Variants in NUP160 observed in about 807,000 individuals in gnomAD.
The protein encoded by NUP160 is nucleoporin 160.
Under a neutral mutation model 196.9 loss-of-function variants are expected in NUP160, and 94 were observed. The ratio of observed to expected loss-of-function variants is 0.48; its 90% CI spans 0.40 to 0.57. NUP160 has a LOEUF of 0.57. Among genes scored for constraint, NUP160 ranks in the 20% least tolerant of loss-of-function variants. The pLI is 0.00. For missense variants in NUP160, 1,638 were observed against 1,748.3 expected (o/e 0.94, Z 1.13); for synonymous variants, 605 against 619.7 (o/e 0.98, Z 0.35).
intron 27 of NUP160, among the ~76,000 whole-genome samples, chr11:47,795,796 C>G (rs1388153788): frequency 1.3e-5 from 2 of 152,038 alleles, no homozygotes; most frequent in African/African-American, 2.4e-5. Flanking sequence ...AGACATCGCA[C>G]AACTAAATGC....
intron 33 of NUP160, among the ~76,000 whole-genome samples, 168 bp from the exon 34 acceptor site, chr11:47,783,366 G>A (rs1186202619): frequency 1.3e-5 from 2 of 151,458 alleles, no homozygotes; most frequent in African/African-American, 4.9e-5. Context: ...TAACAAATCT[G>A]GGGAGTTAGG....
At chr11:47,785,515 T>A (rs190954911) in intron 32 of NUP160, among the ~76,000 whole-genome samples, 1 of 152,208 alleles carries the variant, frequency 6.6e-6, no homozygotes, top group African/African-American at 2.4e-5. Context: ...ATGTGACTTA[T>A]GGGGATAGCA....
intron 27 of NUP160, among the ~76,000 whole-genome samples, chr11:47,794,318 C>T (rs2097669636): frequency 6.6e-6 from 1 of 151,970 alleles, no homozygotes. Context: ...AGGGTGAAAC[C>T]CCGTCTCTAC....
At chr11:47,780,576 C>T (rs570345922) in intron 34 of NUP160, 129 bp from the exon 35 acceptor site, 12 of 510,906 alleles carry the variant, frequency 2.3e-5, no homozygotes, top group Admixed American at 9.5e-5. Flanking sequence ...CTTGTTCTGT[C>T]GCCCAGGCTG....
chr11:47,842,028 G>A (rs867308436), intron 2 of NUP160, among the ~76,000 whole-genome samples: 2 of 151,882 alleles, frequency 1.3e-5, no homozygotes, highest in Non-Finnish European at 2.9e-5. Context: ...CATTCCACAT[G>A]ATTACAGGTG....
chr11:47,818,154 T>C, intron 10 of NUP160, 30 bp from the exon 11 acceptor site: 1 of 1,491,228 alleles, frequency 6.7e-7, no homozygotes, highest in Non-Finnish European at 9.3e-7. Context: ...AAAGTTACTA[T>C]TGTCCTAAAC....
At chr11:47,793,385 C>G (rs143292876) in intron 27 of NUP160, among the ~76,000 whole-genome samples, 3 of 152,140 alleles carry the variant, frequency 2.0e-5, no homozygotes, top group South Asian at 2.1e-4. Context: ...CCCTGCCCCC[C>G]CTCCCCAAAA....
At chr11:47,782,303 A>AAAAAAAAT (rs2097661658) in intron 34 of NUP160, among the ~76,000 whole-genome samples, 1 of 40,528 alleles carries the variant, frequency 2.5e-5, no homozygotes, top group African/African-American at 1.2e-4. Flanking sequence ...AAAAAAAAAA[A>AAAAAAAAT]ATATATATAT....
intron 7 of NUP160, among the ~76,000 whole-genome samples, chr11:47,826,001 T>C (rs1851958751): frequency 6.6e-6 from 1 of 152,188 alleles, no homozygotes; most frequent in Non-Finnish European, 1.5e-5. Context: ...AATTCCTTTT[T>C]GAGAAACATA....
intron 7 of NUP160, among the ~76,000 whole-genome samples, chr11:47,825,439 C>T (rs981568673): frequency 6.7e-6 from 1 of 148,724 alleles, no homozygotes; most frequent in Non-Finnish European, 1.5e-5. Flanking sequence ...ACCACCATGC[C>T]CAGCTAATTT....
intron 17 of NUP160, among the ~76,000 whole-genome samples, chr11:47,810,537 G>A (rs1452422776): frequency 1.3e-5 from 2 of 150,566 alleles, no homozygotes. Context: ...ATGTATCTGG[G>A]TTTATAATTT....
chr11:47,784,913 T>A lies in NUP160; in HGVS notation c.3990+9A>T. 1 of 1,571,804 alleles carries A rather than the reference T, an allele frequency of 6.4e-7. No individual in the cohort carries two copies. The highest frequency in any genetic ancestry group is 8.6e-7 in the Non-Finnish European group (1 of 1,158,894). On this transcript the variant is annotated intron_variant, in intron 33 of 35. Transcript: ENST00000378460. ...GGTTCTTACTCTGTACAAGTTATAA[T>A]CCGTTTACCTTGTAACTGTTTATAA...
chr11:47,785,881 A>C (rs2097664227), intron 32 of NUP160, among the ~76,000 whole-genome samples: 1 of 152,260 alleles, frequency 6.6e-6, no homozygotes, highest in Non-Finnish European at 1.5e-5. Flanking sequence ...GTATAATACC[A>C]AGTGCAAATG....
At chr11:47,825,096 A>G (rs764949949) in intron 7 of NUP160, among the ~76,000 whole-genome samples, 12 of 151,994 alleles carry the variant, frequency 7.9e-5, no homozygotes, top group African/African-American at 1.2e-4. Flanking sequence ...CGGCCTCCCA[A>G]AGTGCTGGGA....
In NUP160 at chr11:47,847,964, A is replaced by G; in HGVS notation, c.203-5T>C. 1 of 1,611,730 alleles carries G rather than the reference A, an allele frequency of 6.2e-7. No homozygotes were observed. The highest frequency in any genetic ancestry group is 8.5e-7 in the Non-Finnish European group (1 of 1,177,846). On this transcript the variant is annotated splice_region_variant and splice_polypyrimidine_tract_variant and intron_variant, in intron 1 of 35. Coordinates refer to ENST00000378460, the Ensembl canonical transcript of NUP160. The stretch of plus-strand genomic sequence containing the variant: ...CAGCCACGGCATTTGCAGTCCCTGC[A>G]AAATGAACGTGGTCAGCCTGCACAC...
chr11:47,846,404 T>A (rs948503925), intron 2 of NUP160, among the ~76,000 whole-genome samples: 3 of 152,212 alleles, frequency 2.0e-5, no homozygotes, highest in African/African-American at 7.2e-5. Flanking sequence ...AAATTTACTA[T>A]GTCCAATAGA....
intron 33 of NUP160, 24 bp from the exon 34 acceptor site, chr11:47,783,222 A>G (rs765586422): frequency 1.2e-5 from 19 of 1,609,564 alleles, no homozygotes; most frequent in Admixed American, 8.4e-5. Context: ...GTGATTAAGA[A>G]TATGTACCTA....
intron 31 of NUP160, 55 bp downstream of exon 31, chr11:47,788,127 A>G: frequency 6.8e-7 from 1 of 1,460,742 alleles, no homozygotes; most frequent in Non-Finnish European, 9.5e-7. Flanking sequence ...ACACTGAGCA[A>G]GAGGATAATA....
intron 27 of NUP160, among the ~76,000 whole-genome samples, chr11:47,794,122 T>C (rs1169307385): frequency 6.6e-6 from 1 of 152,152 alleles, no homozygotes; most frequent in Non-Finnish European, 1.5e-5. Flanking sequence ...AGCTTCAGTT[T>C]TGCAAGATGA....
Sources: allele counts gnomAD v4.1 joint callset (sites outside exome capture counted in the v4.1 genomes callset), GRCh38; gene constraint gnomAD v4.1.1; transcripts MANE v1.5; gene names NCBI Gene and HGNC (gene_info 2026-07-23, HGNC 2026-07-21).